The following ACSL6 variants were observed in gnomAD, a reference collection of about 807,000 sequenced individuals.
The protein encoded by ACSL6 is acyl-CoA synthetase long chain family member 6, also known as long-chain-fatty-acid--CoA ligase 6.
A neutral mutation model predicts 98.2 loss-of-function variants in ACSL6; 47 were observed. The observed-to-expected ratio is 0.48, with a 90% confidence interval of 0.38 to 0.61. ACSL6 has a LOEUF of 0.61. Ranked by LOEUF, ACSL6 falls within the 20% of genes least tolerant of loss-of-function variation. ACSL6 has a pLI of 0.00. For synonymous variants in ACSL6, 362 were observed against 336.9 expected (o/e 1.07, Z -0.82); for missense variants, 761 against 913.4 (o/e 0.83, Z 2.15).
At chr5:132,007,821 G>A (rs896417889) in intron 1 of ACSL6, among the ~76,000 whole-genome samples, 1 of 152,184 alleles carries the variant, frequency 6.6e-6, no homozygotes, top group Admixed American at 6.5e-5. Context: ...TGTAGCTTCT[G>A]TTATACAAAA....
upstream of ACSL6, chr5:132,012,034 C>T: frequency 7.2e-7 from 1 of 1,380,892 alleles, no homozygotes; most frequent in Non-Finnish European, 9.7e-7. Context: ...CCGCGCGACT[C>T]GCAGCCTGGG....
chr5:131,975,093 T>G (rs1753546126), intron 10 of ACSL6, 123 bp from the exon 11 acceptor site: 9 of 1,375,884 alleles, frequency 6.5e-6, no homozygotes, highest in African/African-American at 1.6e-5. Flanking sequence ...GGGAGGGGAA[T>G]GGGAGTGGTG....
intron 19 of ACSL6, 116 bp from the exon 20 acceptor site, chr5:131,959,723 C>T: frequency 1.1e-6 from 1 of 934,572 alleles, no homozygotes; most frequent in South Asian, 1.4e-5. Context: ...ATGTGCTAAC[C>T]CACAGCCCGC....
At chr5:131,975,886 C>T in intron 10 of ACSL6, 1 of 985,502 alleles carries the variant, frequency 1.0e-6, no homozygotes, top group Non-Finnish European at 1.2e-6. Flanking sequence ...CTGACCTGGG[C>T]TCAGCCACCA....
intron 2 of ACSL6, among the ~76,000 whole-genome samples, chr5:131,992,541 A>G (rs1055358621): frequency 2.0e-5 from 3 of 152,116 alleles, no homozygotes; most frequent in African/African-American, 4.8e-5. Context: ...GCTTCATCCC[A>G]TGTCCTGTCT....
intron 18 of ACSL6, among the ~76,000 whole-genome samples, chr5:131,961,144 C>T (rs1328773833): frequency 1.3e-5 from 2 of 152,058 alleles, no homozygotes; most frequent in African/African-American, 4.8e-5. Context: ...CCCATCTCAA[C>T]CTCCCGAGTA....
intron 14 of ACSL6, 47 bp downstream of exon 14, chr5:131,971,503 T>C: frequency 6.6e-7 from 1 of 1,510,030 alleles, no homozygotes; most frequent in Non-Finnish European, 9.0e-7. Context: ...TTTCCTGCCC[T>C]AACGAACTTC....
At chr5:131,980,470 C>T (rs1359468086) in intron 9 of ACSL6, among the ~76,000 whole-genome samples, 2 of 152,162 alleles carry the variant, frequency 1.3e-5, no homozygotes, top group African/African-American at 2.4e-5. Flanking sequence ...TAGCACAAAA[C>T]GAATAGGTCA....
intron 16 of ACSL6, 106 bp from the exon 17 acceptor site, chr5:131,966,638 G>A: frequency 1.0e-6 from 1 of 954,638 alleles, no homozygotes; most frequent in South Asian, 1.3e-5. Context: ...CATCAGGAAA[G>A]CCACTGTGGA....
intron 9 of ACSL6, chr5:131,983,943 T>C (rs1754032423): frequency 6.6e-6 from 1 of 152,284 alleles, no homozygotes. Context: ...AGTGACCTGT[T>C]AAAAGGCTGA....
At chr5:132,010,742 G>C (rs993517338) in intron 1 of ACSL6, among the ~76,000 whole-genome samples, 3 of 152,222 alleles carry the variant, frequency 2.0e-5, no homozygotes, top group Admixed American at 2.0e-4. Flanking sequence ...AGGACCCCAG[G>C]CTCAGAGAGG....
Position 131,976,690 on chromosome 5 carries a change from C to A in ACSL6, c.948G>T (p.Gly316=). ...AGCCTGAGAAATCAGCCACCACGTTCCCATGGGTGAGCATCGCACCTTTTG... is the reference window on the plus strand; with the variant it reads ...AGCCTGAGAAATCAGCCACCACGTTACCATGGGTGAGCATCGCACCTTTTG... ...GNPKGAMLTH[G]NVVADFSGFL... Residue 316 remains glycine, a synonymous_variant, in exon 10 of 21, where the codon GGG becomes GGT. Transcript: ENST00000651883. 2.5e-6 allele frequency: 4 copies of A among 1,614,184 alleles called. No homozygotes were observed. Among genetic ancestry groups the A allele is most frequent in the Non-Finnish European group, 3.4e-6 (4 of 1,180,014 alleles).
intron 13 of ACSL6, among the ~76,000 whole-genome samples, chr5:131,972,111 AAC>A (rs1330739583): frequency 6.6e-6 from 1 of 152,228 alleles, no homozygotes; most frequent in African/African-American, 2.4e-5. Flanking sequence ...GAATACTTGA[AAC>A]ACTTTGTTTA....
chr5:131,993,286 A>G (rs6596047), intron 2 of ACSL6: 20,858 of 152,450 alleles, frequency 0.14, 3,555 homozygotes, highest in African/African-American at 0.4. Flanking sequence ...TATGTGGTGG[A>G]TATGAGTGAA....
At position 131,954,195 on chromosome 5, in the gene ACSL6, T is replaced by C; in HGVS notation, c.*39A>G. ...CTTTCAAGAATAACTATAATATTGC[T>C]AGACAGTTCATTACACTGAGAAGAA... is the stretch of plus-strand genomic sequence containing the variant. On this transcript the variant is annotated 3_prime_UTR_variant, in exon 21 of 21. Transcript: ENST00000651883. 6.3e-7 allele frequency: 1 copy of C among 1,576,056 alleles called. No homozygotes were observed. The highest frequency in any genetic ancestry group is 1.7e-4 in the Middle Eastern group (1 of 5,840).
At chr5:131,954,754 G>C (rs1752310502) in intron 20 of ACSL6, among the ~76,000 whole-genome samples, 1 of 152,182 alleles carries the variant, frequency 6.6e-6, no homozygotes, top group Non-Finnish European at 1.5e-5. Flanking sequence ...AGGCATAGGA[G>C]GGGAGAGGGA....
chr5:131,985,528 C>A, intron 8 of ACSL6, 70 bp from the exon 9 acceptor site: 1 of 1,549,480 alleles, frequency 6.5e-7, no homozygotes, highest in Non-Finnish European at 8.9e-7. Context: ...GATGCCTGGG[C>A]TCCCCAACCA....
chr5:131,976,076 G>T, intron 10 of ACSL6: 1 of 985,450 alleles, frequency 1.0e-6, no homozygotes, highest in Non-Finnish European at 1.2e-6. Flanking sequence ...GAAACTGCAG[G>T]ACATACTCAC....
At chr5:132,009,965 G>C (rs1473074969) in intron 1 of ACSL6, among the ~76,000 whole-genome samples, 1 of 152,172 alleles carries the variant, frequency 6.6e-6, no homozygotes, top group East Asian at 1.9e-4. Flanking sequence ...GGGCAAAGGG[G>C]TCCTGGCAGT....
Sources: allele counts gnomAD v4.1 joint callset (sites outside exome capture counted in the v4.1 genomes callset), GRCh38; gene constraint gnomAD v4.1.1; transcripts MANE v1.5; gene names NCBI Gene and HGNC (gene_info 2026-07-23, HGNC 2026-07-21).